TRIOBP: variants seen among roughly 807,000 people sequenced by gnomAD.
The protein encoded by TRIOBP is TRIO and F-actin-binding protein.
Under a neutral mutation model 238.8 loss-of-function variants are expected in TRIOBP, and 169 were observed. The observed-to-expected ratio is 0.71, with a 90% CI of 0.62 to 0.80. The LOEUF (loss-of-function observed/expected upper bound fraction) is 0.80, where lower values mean the gene tolerates loss of function less well. Among genes scored for constraint, TRIOBP ranks in the 30% least tolerant of loss-of-function variants. The pLI, the probability that TRIOBP is intolerant of heterozygous loss-of-function variation, is 0.00. For missense variants in TRIOBP, 2,838 were observed against 3,122.6 expected (o/e 0.91, Z 2.17); for synonymous variants, 1,150 against 1,274.4 (o/e 0.90, Z 2.08).
At chr22:37,753,122 T>C (rs1309315598) in intron 12 of TRIOBP, among the ~76,000 whole-genome samples, 1 of 152,132 alleles carries the variant, frequency 6.6e-6, no homozygotes, top group Non-Finnish European at 1.5e-5. Context: ...GAGAGGAAAA[T>C]GCTTCTAAGA....
At chr22:37,755,447 A>T in intron 14 of TRIOBP, 103 bp from the exon 15 acceptor site, 1 of 1,095,842 alleles carries the variant, frequency 9.1e-7, no homozygotes, top group Admixed American at 1.9e-5. Flanking sequence ...TCAAGACCTT[A>T]GATGCATCCT....
At chr22:37,764,369 T>A (rs2145876959) in intron 17 of TRIOBP, among the ~76,000 whole-genome samples, 1 of 152,344 alleles carries the variant, frequency 6.6e-6, no homozygotes, top group South Asian at 2.1e-4. Context: ...ACCACGTGTA[T>A]GTCAGAAGCC....
At chr22:37,766,508 C>T (rs569746571) in intron 18 of TRIOBP, among the ~76,000 whole-genome samples, 18 of 152,362 alleles carry the variant, frequency 1.2e-4, no homozygotes, top group African/African-American at 3.1e-4. Flanking sequence ...TTTGCAGCCG[C>T]GTGTGTTAGA....
At chr22:37,698,263 CTG>C (rs1201049593) in intron 2 of TRIOBP, among the ~76,000 whole-genome samples, 1 of 149,206 alleles carries the variant, frequency 6.7e-6, no homozygotes. Context: ...TGCTTCACAC[CTG>C]TAATCCCAGC....
Position 37,724,301 on chromosome 22 carries a change from G to A in TRIOBP, c.1745G>A (p.Arg582Gln), listed in dbSNP as rs769060757. The A allele has an allele frequency of 3.2e-6, 5 of 1,568,352 alleles. No individual in the cohort carries two copies. The highest frequency in any genetic ancestry group is 1.8e-5 in the African/African-American group (1 of 56,428). Residue 582 changes from arginine (R) to glutamine (Q), a missense_variant, in exon 7 of 24, where the codon CGG becomes CAG. Around this residue, in one of 5 missense-constraint regions of TRIOBP, gnomAD observed 14 missense variants for 198.4 expected, o/e 0.07. Transcript: ENST00000644935. ...AACCCCAGAACATCCTGTGCCCAGC[G>A]GGACAATCCCAGAGCCTCCTCTCCC... ...RDNPRTSCAQ[R>Q]DNPRASSPNR...
intron 3 of TRIOBP, among the ~76,000 whole-genome samples, 167 bp downstream of exon 3, chr22:37,701,646 T>C (rs1202130429): frequency 6.6e-6 from 1 of 152,220 alleles, no homozygotes; most frequent in Non-Finnish European, 1.5e-5. Flanking sequence ...CATGTGAATG[T>C]TTCACAATCT....
At chr22:37,706,660 T>C (rs1256689568) in intron 3 of TRIOBP, among the ~76,000 whole-genome samples, 1 of 151,924 alleles carries the variant, frequency 6.6e-6, no homozygotes, top group Non-Finnish European at 1.5e-5. Context: ...TAGTGGTGCA[T>C]GCCTGCAGTC....
At chr22:37,754,817 G>A in intron 12 of TRIOBP, 60 bp from the exon 13 acceptor site, 1 of 1,556,304 alleles carries the variant, frequency 6.4e-7, no homozygotes, top group Non-Finnish European at 8.9e-7. Flanking sequence ...GAGTTTGGCA[G>A]CCACACAGGA....
chr22:37,749,182 C>T (rs1422688878), intron 11 of TRIOBP, among the ~76,000 whole-genome samples: 1 of 151,922 alleles, frequency 6.6e-6, no homozygotes, highest in Non-Finnish European at 1.5e-5. Context: ...TGGTGAAATC[C>T]CATCTCTACT....
In TRIOBP at chr22:37,702,673, G is replaced by C. The variant is rs1433198757; in HGVS notation, c.114+1194G>C. On this transcript the variant is annotated intron_variant, in intron 3 of 23. Transcript: ENST00000644935. ...TTTTTTTTTTTGGAGATAGGGTCTT[G>C]CTCTGTAGCACAGGCTGGAGTGCAG... Among the ~76,000 whole-genome samples the C allele has an allele frequency of 6.4e-5, 7 of 109,192 alleles. No individual in the cohort carries two copies. In the Admixed American group the frequency reaches 9.4e-4, roughly 15 times the overall value. 71.6% of individuals were successfully genotyped at this position (109,192 alleles called of 152,430 possible).
chr22:37,698,705 C>T (rs373819931), intron 2 of TRIOBP, among the ~76,000 whole-genome samples: 8 of 151,984 alleles, frequency 5.3e-5, no homozygotes, highest in Admixed American at 6.6e-5. Context: ...GGCGTGGTGG[C>T]GTACACCTGT....
intron 18 of TRIOBP, among the ~76,000 whole-genome samples, 158 bp downstream of exon 18, chr22:37,765,975 G>A (rs762902915): frequency 8.5e-5 from 13 of 152,116 alleles, no homozygotes; most frequent in Non-Finnish European, 1.9e-4. Flanking sequence ...TCCAAGAACT[G>A]GCCTGTAGCC....
At chr22:37,714,425 T>A (rs934812254) in intron 5 of TRIOBP, among the ~76,000 whole-genome samples, 5 of 152,144 alleles carry the variant, frequency 3.3e-5, no homozygotes, top group Non-Finnish European at 7.4e-5. Flanking sequence ...TCCCAGCACT[T>A]TGGGAGGCCA....
At chr22:37,743,815 G>A (rs1415861386) in intron 11 of TRIOBP, among the ~76,000 whole-genome samples, 1 of 120,726 alleles carries the variant, frequency 8.3e-6, no homozygotes, top group African/African-American at 3.7e-5. Flanking sequence ...GTGTGTGTGT[G>A]TGTGTGTGTG....
At position 37,721,782 on chromosome 22, in the gene TRIOBP, T is replaced by C. The variant is rs563024497; in HGVS notation, c.629-1403T>C. Among the ~76,000 whole-genome samples, 4 of 152,276 alleles carry C rather than the reference T, an allele frequency of 2.6e-5. No homozygotes were observed. The East Asian group carries it at 7.7e-4, about 29-fold the overall frequency. ...AGGTGTAAGCCACCACACCCATAGTTGTGGCTCCTTTAAGATGAGGCCATG... is the reference window on the plus strand; with the variant it reads ...AGGTGTAAGCCACCACACCCATAGTCGTGGCTCCTTTAAGATGAGGCCATG... On this transcript the variant is annotated intron_variant, in intron 6 of 23. Coordinates refer to ENST00000644935, the MANE Select transcript of TRIOBP (RefSeq NM_001039141.3).
intron 9 of TRIOBP, among the ~76,000 whole-genome samples, chr22:37,737,142 C>T (rs778222482): frequency 2.6e-5 from 4 of 152,164 alleles, no homozygotes; most frequent in East Asian, 1.9e-4. Flanking sequence ...AAGGAGGACA[C>T]GGTGCTGTGT....
At chr22:37,702,616 G>A (rs1195515679) in intron 3 of TRIOBP, among the ~76,000 whole-genome samples, 2 of 144,516 alleles carry the variant, frequency 1.4e-5, no homozygotes, top group African/African-American at 5.2e-5. Context: ...ATCATCTAGA[G>A]ATTTTCTTTC....
At chr22:37,756,306 T>C (rs1386436781) in intron 15 of TRIOBP, among the ~76,000 whole-genome samples, 1 of 152,048 alleles carries the variant, frequency 6.6e-6, no homozygotes, top group Non-Finnish European at 1.5e-5. Context: ...ACAAAAAATT[T>C]AAAAATCAGC....
intron 7 of TRIOBP, among the ~76,000 whole-genome samples, chr22:37,730,045 A>C (rs1468943808): frequency 6.6e-6 from 1 of 152,022 alleles, no homozygotes; most frequent in Non-Finnish European, 1.5e-5. Flanking sequence ...TTTTGGCTTG[A>C]TCTTAATTTT....
Sources: allele counts gnomAD v4.1 joint callset (sites outside exome capture counted in the v4.1 genomes callset), GRCh38; gene constraint gnomAD v4.1.1; regional missense constraint gnomAD v4.1.1; transcripts MANE v1.5; gene names NCBI Gene and HGNC (gene_info 2026-07-23, HGNC 2026-07-21).